Variants in SPOCK1 observed in about 807,000 individuals in gnomAD.
The protein encoded by SPOCK1 is SPARC (osteonectin), cwcv and kazal like domains proteoglycan 1.
In SPOCK1, 23 loss-of-function variants were observed where a neutral mutation model predicts 55.3. That is an observed-to-expected ratio of 0.42 (90% CI 0.30 to 0.59). The LOEUF is 0.59. SPOCK1 is among the 20% of genes least tolerant of loss of function. The pLI is 0.22. For synonymous variants in SPOCK1, 226 were observed against 221.0 expected (o/e 1.02, Z -0.20); for missense variants, 499 against 552.5 (o/e 0.90, Z 0.97).
intron 2 of SPOCK1, among the ~76,000 whole-genome samples, chr5:137,417,351 AT>A (rs1414994096): frequency 2.4e-5 from 2 of 83,856 alleles, no homozygotes; most frequent in South Asian, 3.6e-4. Context: ...TTTTTTTTTC[AT>A]TTTTTTAAAA....
At chr5:137,127,949 G>A (rs1275610076) in intron 4 of SPOCK1, among the ~76,000 whole-genome samples, 1 of 152,214 alleles carries the variant, frequency 6.6e-6, no homozygotes, top group Non-Finnish European at 1.5e-5. Context: ...AAAAGGACAT[G>A]AATTTAATGG....
At chr5:137,200,154 C>G (rs1267668865) in intron 3 of SPOCK1, among the ~76,000 whole-genome samples, 1 of 152,170 alleles carries the variant, frequency 6.6e-6, no homozygotes, top group African/African-American at 2.4e-5. Flanking sequence ...TCTCTGTTTT[C>G]ATTGTCAAAT....
intron 3 of SPOCK1, among the ~76,000 whole-genome samples, chr5:137,228,080 A>G (rs185822391): frequency 1.3e-5 from 2 of 152,236 alleles, no homozygotes; most frequent in African/African-American, 4.8e-5. Flanking sequence ...AAACAGGAAT[A>G]CAGGGCTTTC....
At chr5:137,248,806 A>G (rs1454038263) in intron 3 of SPOCK1, among the ~76,000 whole-genome samples, 1 of 152,234 alleles carries the variant, frequency 6.6e-6, no homozygotes, top group Admixed American at 6.5e-5. Context: ...TTAATGTATA[A>G]GCTATTAACA....
chr5:137,284,382 C>G (rs147117243), intron 2 of SPOCK1, among the ~76,000 whole-genome samples: 1 of 152,318 alleles, frequency 6.6e-6, no homozygotes, highest in East Asian at 1.9e-4. Context: ...AATTATGACT[C>G]CTCTTGGCAA....
intron 2 of SPOCK1, among the ~76,000 whole-genome samples, chr5:137,333,765 A>G (rs10491307): frequency 0.13 from 19,165 of 152,226 alleles, 1,520 homozygotes; most frequent in East Asian, 0.24. Flanking sequence ...ATTTCTCAGG[A>G]ACACTGAAAT....
In SPOCK1 at chr5:137,382,905, G is replaced by A. The variant is rs141003516; in HGVS notation, c.186+115468C>T. Among the ~76,000 whole-genome samples the A allele has an allele frequency of 3.8e-3, 577 of 152,294 alleles. 6 individuals carry two copies. Among genetic ancestry groups the A allele is most frequent in the African/African-American group, 0.013 (542 of 41,560 alleles). The stretch of plus-strand genomic sequence containing the variant: ...GTTCTCAGAAATTTGATTAGTTGCT[G>A]GGCCAGGACTGGTTAAAATGATGAA... On this transcript the variant is annotated intron_variant, in intron 2 of 10. Transcript: ENST00000394945.
intron 2 of SPOCK1, among the ~76,000 whole-genome samples, chr5:137,330,045 C>G (rs961546592): frequency 6.6e-6 from 1 of 152,192 alleles, no homozygotes; most frequent in African/African-American, 2.4e-5. Flanking sequence ...AGACCTCACT[C>G]TGCTCTGCCA....
intron 3 of SPOCK1, among the ~76,000 whole-genome samples, chr5:137,168,825 A>G (rs1754696701): frequency 6.6e-6 from 1 of 152,164 alleles, no homozygotes; most frequent in Non-Finnish European, 1.5e-5. Flanking sequence ...ATAGAGCTAC[A>G]CTATTATCCA....
chr5:137,148,234 A>G lies in SPOCK1; in HGVS notation c.233-7540T>C, dbSNP rs191009585. 4.0e-3 allele frequency among the ~76,000 whole-genome samples: 602 copies of G among 152,266 alleles called. 2 individuals are homozygous for G. Among genetic ancestry groups the G allele is most frequent in the Non-Finnish European group, 7.5e-3 (510 of 68,000 alleles). On this transcript the variant is annotated intron_variant, in intron 3 of 10. Transcript: ENST00000394945. Reference sequence around the variant, plus strand: ...GAGATGAAGGAGTTAAGGACTACCCACTACTGAGAGTGTCTGGGAATTGCT... The same window carrying G: ...GAGATGAAGGAGTTAAGGACTACCCGCTACTGAGAGTGTCTGGGAATTGCT...
At chr5:137,242,204 T>C (rs577398917) in intron 3 of SPOCK1, among the ~76,000 whole-genome samples, 3 of 152,294 alleles carry the variant, frequency 2.0e-5, no homozygotes, top group African/African-American at 4.8e-5. Flanking sequence ...CCCATTGATA[T>C]GGTTTGGCTG....
chr5:137,024,667 G>T (rs1457707736), intron 6 of SPOCK1, among the ~76,000 whole-genome samples: 1 of 151,022 alleles, frequency 6.6e-6, no homozygotes, highest in South Asian at 2.1e-4. Context: ...AAAAAAAATT[G>T]AATATCCACT....
chr5:137,013,219 G>A, intron 6 of SPOCK1, among the ~76,000 whole-genome samples: 1 of 142,890 alleles, frequency 7.0e-6, no homozygotes, highest in South Asian at 2.4e-4. Context: ...TTTCTTTTTA[G>A]GTTTTGTTTT....
At chr5:137,208,438 G>A (rs556351512) in intron 3 of SPOCK1, among the ~76,000 whole-genome samples, 77 of 152,248 alleles carry the variant, frequency 5.1e-4, no homozygotes, top group Admixed American at 8.5e-4. Context: ...AAGAGACCAC[G>A]CCATCCAAAA....
At chr5:137,440,722 T>C (rs1397421927) in intron 2 of SPOCK1, among the ~76,000 whole-genome samples, 1 of 152,250 alleles carries the variant, frequency 6.6e-6, no homozygotes. Flanking sequence ...TTTTATTTTT[T>C]ATATCTAAAT....
At chr5:137,201,174 A>C (rs1413830996) in intron 3 of SPOCK1, among the ~76,000 whole-genome samples, 1 of 152,208 alleles carries the variant, frequency 6.6e-6, no homozygotes, top group Admixed American at 6.5e-5. Flanking sequence ...AGAAAAGGAG[A>C]GGAATTAATT....
At chr5:137,031,064 C>T (rs1384757725) in intron 6 of SPOCK1, among the ~76,000 whole-genome samples, 1 of 152,136 alleles carries the variant, frequency 6.6e-6, no homozygotes, top group Non-Finnish European at 1.5e-5. Flanking sequence ...TTCAATAATA[C>T]ATATTTTGTA....
chr5:137,418,695 A>ATAT (rs1752410759), intron 2 of SPOCK1, among the ~76,000 whole-genome samples: 1 of 152,010 alleles, frequency 6.6e-6, no homozygotes, highest in African/African-American at 2.4e-5. Flanking sequence ...TAGATTCTGG[A>ATAT]TATTAGCCCT....
At chr5:137,301,083 CT>C (rs965773923) in intron 2 of SPOCK1, among the ~76,000 whole-genome samples, 8 of 152,182 alleles carry the variant, frequency 5.3e-5, no homozygotes, top group Admixed American at 1.3e-4. Context: ...CTTCTAGTCT[CT>C]TAACTGACCC....
Sources: gnomAD v4.1 joint callset for allele counts (sites outside exome capture counted in the v4.1 genomes callset) on GRCh38, gnomAD v4.1.1 for gene constraint, MANE v1.5 for transcripts, NCBI Gene and HGNC (gene_info 2026-07-23, HGNC 2026-07-21) for gene names.